Variants in CCDC146 observed in about 807,000 individuals in gnomAD.
The protein encoded by CCDC146 is coiled-coil domain-containing protein 146.
CCDC146 carries 92 observed loss-of-function variants against 119.3 expected under a neutral mutation model. That is an observed-to-expected ratio of 0.77 (90% CI 0.65 to 0.92). The LOEUF is 0.92. Ranked by LOEUF, CCDC146 falls within the 40% of genes least tolerant of loss-of-function variation. The pLI, the probability that CCDC146 is intolerant of heterozygous loss-of-function variation, is 0.00. For missense variants in CCDC146, 1,000 were observed against 1,103.0 expected (o/e 0.91, Z 1.32); for synonymous variants, 372 against 371.8 (o/e 1.00, Z -0.01).
At position 77,282,594 on chromosome 7, in the gene CCDC146, A is replaced by AT. The variant is rs779224215; in HGVS notation, c.1963dup (p.Tyr655LeufsTer2). ...GATAGAGCGGGAAGAAGAAATATGC[A>AT]TTTTTTATGAAAAAATAAATATCCA... On this transcript the variant is annotated frameshift_variant, in exon 15 of 19. Coordinates refer to ENST00000285871, the MANE Select transcript of CCDC146 (RefSeq NM_020879.3). LOFTEE classifies it high-confidence loss of function. 19 of 1,611,878 alleles carry AT rather than the reference A, an allele frequency of 1.2e-5. No homozygotes were observed. Among genetic ancestry groups the AT allele is most frequent in the South Asian group, 3.3e-5 (3 of 90,776 alleles).
chr7:77,134,541 C>CTGTGTGTG (rs67724407), intron 1 of CCDC146, among the ~76,000 whole-genome samples: 2 of 144,240 alleles, frequency 1.4e-5, no homozygotes, highest in African/African-American at 2.6e-5. Flanking sequence ...TAAGGCCACT[C>CTGTGTGTG]TGTGTGTGTG....
intron 11 of CCDC146, among the ~76,000 whole-genome samples, chr7:77,277,029 G>A (rs554575788): frequency 2.1e-4 from 32 of 152,080 alleles, no homozygotes; most frequent in African/African-American, 5.5e-4. Flanking sequence ...CTGAGATTGC[G>A]CCACTGCACT....
intron 2 of CCDC146, among the ~76,000 whole-genome samples, chr7:77,183,387 TACTTA>T (rs1182740483): frequency 1.3e-5 from 2 of 152,132 alleles, no homozygotes; most frequent in African/African-American, 2.4e-5. Flanking sequence ...AGATTGTAGA[TACTTA>T]ACTTTGACTT....
At chr7:77,136,809 A>G (rs532436920) in intron 1 of CCDC146, among the ~76,000 whole-genome samples, 103 of 152,302 alleles carry the variant, frequency 6.8e-4, no homozygotes, top group African/African-American at 2.3e-3. Context: ...GACCTTAAAG[A>G]AAACAAAATT....
intron 15 of CCDC146, among the ~76,000 whole-genome samples, chr7:77,284,899 G>A (rs1403191815): frequency 1.3e-5 from 2 of 151,922 alleles, no homozygotes; most frequent in African/African-American, 4.8e-5. Flanking sequence ...TCTAGCTTCA[G>A]GCAAGCCATT....
chr7:77,163,608 A>G (rs144151778), intron 1 of CCDC146, among the ~76,000 whole-genome samples: 2,771 of 152,282 alleles, frequency 0.018, 75 homozygotes, highest in African/African-American at 0.063. Context: ...CTATGCAGGT[A>G]TGAAAAGGGA....
intron 12 of CCDC146, 34 bp downstream of exon 12, chr7:77,278,874 G>A (rs768383693): frequency 2.7e-5 from 43 of 1,596,356 alleles, no homozygotes; most frequent in East Asian, 4.5e-5. Context: ...ATCTACGTAG[G>A]TGAGGGGAAA....
intron 5 of CCDC146, 152 bp downstream of exon 5, chr7:77,254,715 A>T: frequency 2.1e-6 from 1 of 476,670 alleles, no homozygotes; most frequent in Non-Finnish European, 3.7e-6. Context: ...GACTAGCTAC[A>T]TAACTTCTGG....
intron 9 of CCDC146, among the ~76,000 whole-genome samples, chr7:77,267,096 A>C (rs928754835): frequency 1.3e-5 from 2 of 151,306 alleles, no homozygotes; most frequent in Non-Finnish European, 2.9e-5. Context: ...GGTTCAAGCA[A>C]TTCTCTTGCC....
intron 1 of CCDC146, among the ~76,000 whole-genome samples, chr7:77,134,256 T>C (rs1402494995): frequency 6.6e-6 from 1 of 151,836 alleles, no homozygotes; most frequent in Non-Finnish European, 1.5e-5. Context: ...CTAGGATTAG[T>C]TGGAAATCAA....
At chr7:77,255,883 A>G (rs1298805794) in intron 5 of CCDC146, among the ~76,000 whole-genome samples, 1 of 152,162 alleles carries the variant, frequency 6.6e-6, no homozygotes, top group Non-Finnish European at 1.5e-5. Context: ...CCAAATATGA[A>G]CACCTTTGTC....
intron 1 of CCDC146, among the ~76,000 whole-genome samples, chr7:77,140,046 C>T (rs1790911763): frequency 6.6e-6 from 1 of 152,060 alleles, no homozygotes; most frequent in Non-Finnish European, 1.5e-5. Context: ...AGGCGTGCAC[C>T]ATCACACCCA....
chr7:77,187,448 C>T (rs1288620781), intron 2 of CCDC146, among the ~76,000 whole-genome samples: 4 of 152,208 alleles, frequency 2.6e-5, no homozygotes, highest in African/African-American at 9.7e-5. Flanking sequence ...AATGGCCTTC[C>T]ATAATTTTGT....
intron 2 of CCDC146, among the ~76,000 whole-genome samples, chr7:77,183,652 G>A (rs904471060): frequency 2.1e-4 from 32 of 152,098 alleles, no homozygotes; most frequent in Admixed American, 9.8e-4. Context: ...CTGAGATCTC[G>A]TCTTTTCTCC....
chr7:77,282,816 G>A (rs780372511), intron 15 of CCDC146, 31 bp downstream of exon 15: 9 of 1,487,234 alleles, frequency 6.1e-6, no homozygotes, highest in Non-Finnish European at 8.4e-6. Context: ...CACTTCCTCA[G>A]ACCATTTATT....
At chr7:77,292,800 CT>C in intron 17 of CCDC146, 151 bp from the exon 18 acceptor site, 1 of 721,692 alleles carries the variant, frequency 1.4e-6, no homozygotes, top group East Asian at 2.6e-5. Context: ...TATCTGCAGT[CT>C]CTTCCAGTTC....
intron 16 of CCDC146, 118 bp downstream of exon 16, chr7:77,287,044 A>C: frequency 2.8e-6 from 3 of 1,083,846 alleles, no homozygotes; most frequent in South Asian, 3.1e-5. Context: ...TCTAGTCACT[A>C]ATATAGTCCT....
chr7:77,262,838 C>T (rs1238855431), intron 9 of CCDC146, among the ~76,000 whole-genome samples: 3 of 152,194 alleles, frequency 2.0e-5, no homozygotes, highest in Non-Finnish European at 4.4e-5. Context: ...CAACTGTTAC[C>T]TGCCTCTGTG....
chr7:77,278,968 A>G lies in CCDC146; in HGVS notation c.1561A>G (p.Ile521Val), dbSNP rs367747203. ...AGAGTTTGCTAAACTGTATGACACC[A>G]TTCGAAATGAAAGAAACAAATTTGT... The part of the protein sequence containing the change: ...LREFAKLYDT[I>V]RNERNKFVNL... Residue 521 changes from isoleucine (I) to valine (V), a missense_variant, in exon 13 of 19, where the codon ATT (isoleucine) becomes GTT (valine). By Grantham distance (29) the Ile-to-Val change is conservative. Coordinates refer to ENST00000285871, the MANE Select transcript of CCDC146 (RefSeq NM_020879.3). The G allele has an allele frequency of 2.1e-5, 34 of 1,611,574 alleles. No individual in the cohort carries two copies. In the African/African-American group the frequency reaches 3.6e-4, roughly 17 times the overall value.
Sources: allele counts gnomAD v4.1 joint callset (sites outside exome capture counted in the v4.1 genomes callset), GRCh38; gene constraint gnomAD v4.1.1; transcripts MANE v1.5; gene names NCBI Gene and HGNC (gene_info 2026-07-23, HGNC 2026-07-21).